FREM3: variants seen among roughly 807,000 people sequenced by gnomAD.
FREM3 encodes FRAS1 related extracellular matrix 3, also known as FRAS1-related extracellular matrix protein 3.
A neutral mutation model predicts 129.1 loss-of-function variants in FREM3; 105 were observed. That is an observed-to-expected ratio of 0.81 (90% confidence interval 0.69 to 0.96). The LOEUF (loss-of-function observed/expected upper bound fraction) is 0.96. Among genes scored for constraint, FREM3 ranks in the 40% least tolerant of loss-of-function variants. The probability of loss-of-function intolerance (pLI) is 0.00; values close to 1 mark genes in which losing one functional copy is unlikely to be tolerated. For synonymous variants in FREM3, 1,014 were observed against 1,044.9 expected, an observed-to-expected ratio of 0.97 and a Z score of 0.57; for missense variants, 2,593 against 2,666.3, an observed-to-expected ratio of 0.97 and a Z score of 0.61.
chr4:143,683,228 A>G (rs1578868044), intron 2 of FREM3, among the ~76,000 whole-genome samples: 1 of 152,206 alleles, frequency 6.6e-6, no homozygotes, highest in South Asian at 2.1e-4. Flanking sequence ...AGGGGCTTGC[A>G]TTGTGAATTT....
intron 2 of FREM3, among the ~76,000 whole-genome samples, chr4:143,646,320 C>T (rs1026838902): frequency 6.6e-6 from 1 of 152,162 alleles, no homozygotes; most frequent in Non-Finnish European, 1.5e-5. Flanking sequence ...GCAAACATTA[C>T]TTAAGGTATT....
At chr4:143,586,104 T>C (rs1309203170) in intron 6 of FREM3, 111 bp from the exon 7 acceptor site, 1 of 1,053,692 alleles carries the variant, frequency 9.5e-7, no homozygotes, top group Non-Finnish European at 1.3e-6. Context: ...ACATGACAGA[T>C]CCCATAGGTC....
intron 2 of FREM3, among the ~76,000 whole-genome samples, chr4:143,662,717 T>C (rs1456051000): frequency 2.6e-5 from 4 of 152,056 alleles, no homozygotes; most frequent in African/African-American, 9.7e-5. Flanking sequence ...TGTGGGAGTC[T>C]AAGTCTCTTT....
Position 143,624,235 on chromosome 4 carries a change from C to T in FREM3, c.5526G>A (p.Arg1842=), listed in dbSNP as rs1340734625. The T allele has an allele frequency of 6.5e-7, 1 of 1,535,872 alleles. No homozygotes were observed. Among genetic ancestry groups the T allele is most frequent in the East Asian group, 2.4e-5 (1 of 40,880 alleles). ...ATTCATTGTCAGGTATAATTCTCAC[C>T]CTCCATGTGGCTGTAGTCTGTCCAG... ...FNPGQTTATW[R]VRIIPDNEYE... The change falls in exon 4 of 8, where the codon AGG becomes AGA. Residue 1842 remains arginine, a synonymous_variant. Coordinates refer to ENST00000329798, the MANE Select transcript of FREM3 (RefSeq NM_001168235.2).
chr4:143,696,167 A>G lies in FREM3; in HGVS notation c.4509T>C (p.Asn1503=), dbSNP rs1192938057. 3 of 1,537,600 alleles carry G rather than the reference A, an allele frequency of 2.0e-6. No individual in the cohort carries two copies. The highest frequency in any genetic ancestry group is 1.4e-5 in the African/African-American group (1 of 73,046). The change falls in exon 1 of 8, where the codon AAT becomes AAC. Residue 1503 remains asparagine, a synonymous_variant. Transcript: ENST00000329798. ...SNKISYVHTS[N]DEKKMDSFEF... ...CGAAGCTGTCCATCTTTTTCTCATC[A>G]TTTGAAGTATGGACATAGGATATTT...
In FREM3 at chr4:143,697,506, T is replaced by C. The variant is rs1740598016; in HGVS notation, c.3170A>G (p.Gln1057Arg). 6.5e-7 allele frequency: 1 copy of C among 1,537,336 alleles called. No individual in the cohort carries two copies. Among genetic ancestry groups the C allele is most frequent in the Non-Finnish European group, 8.7e-7 (1 of 1,146,930 alleles). Reference protein sequence around the residue: ...VVGNSIIEKVQVQVTVLPVDN... With the variant: ...VVGNSIIEKVRVQVTVLPVDN... ...CACAGGCAGCACAGTTACTTGTACC[T>C]GTACTTTCTCTATTATGCTATTCCC... Residue 1057 changes from glutamine to arginine, a missense_variant, in exon 1 of 8, where the codon CAG becomes CGG. This residue lies in a region of FREM3 where 2,276 missense variants were observed against 2,267.2 expected (regional missense o/e 1.00). Coordinates refer to ENST00000329798, the MANE Select transcript of FREM3 (RefSeq NM_001168235.2).
chr4:143,584,070 C>T (rs1308210446), intron 7 of FREM3, among the ~76,000 whole-genome samples: 1 of 152,226 alleles, frequency 6.6e-6, no homozygotes, highest in Non-Finnish European at 1.5e-5. Flanking sequence ...AGACCCATCT[C>T]ACATGCAATG....
chr4:143,599,286 T>C (rs1414927435), intron 6 of FREM3, among the ~76,000 whole-genome samples: 1 of 152,172 alleles, frequency 6.6e-6, no homozygotes, highest in Non-Finnish European at 1.5e-5. Context: ...TAACTAGCTG[T>C]CAGAGAGGCT....
rs757033083 is a variant in FREM3, at chr4:143,698,557, G to T, written c.2119C>A (p.Pro707Thr). The T allele has an allele frequency of 2.6e-6, 4 of 1,537,694 alleles. No individual in the cohort carries two copies. In the South Asian group the frequency reaches 4.8e-5, roughly 18 times the overall value. ...PVDILSPQLY[P>T]GTTLEMTVQE... ...ACAGTCATTTCTAGTGTAGTTCCTG[G>T]ATACAGCTGTGGACTCAGTATATCC... Residue 707 changes from proline (P) to threonine (T), a missense_variant, in exon 1 of 8, where the codon CCA (proline) becomes ACA (threonine). Pro to Thr is a conservative substitution (Grantham distance 38). Transcript: ENST00000329798.
chr4:143,626,256 T>A (rs951478235), intron 3 of FREM3, among the ~76,000 whole-genome samples: 4 of 152,156 alleles, frequency 2.6e-5, no homozygotes, highest in African/African-American at 9.7e-5. Flanking sequence ...GTTCTTGAGG[T>A]TGGACATAAC....
At position 143,696,365 on chromosome 4, in the gene FREM3, T is replaced by C. The variant is rs1216098225; in HGVS notation, c.4311A>G (p.Ile1437Met). The C allele has an allele frequency of 3.3e-6, 5 of 1,537,246 alleles. No individual in the cohort carries two copies. The highest frequency in any genetic ancestry group is 4.4e-6 in the Non-Finnish European group (5 of 1,146,922). Reference protein sequence around the residue: ...PEVISKRITLIEGARVTLTNN... With the variant: ...PEVISKRITLMEGARVTLTNN... ...TGGTAAGGGTCACTCTGGCACCTTCTATCAAGGTGATCCTTTTGCTGATTA... is the reference window on the plus strand; with the variant it reads ...TGGTAAGGGTCACTCTGGCACCTTCCATCAAGGTGATCCTTTTGCTGATTA... The change falls in exon 1 of 8, where the codon ATA (isoleucine) becomes ATG (methionine). Residue 1437 changes from isoleucine to methionine, a missense_variant. Physicochemically the swap from Ile to Met is conservative, Grantham distance 10. Coordinates refer to ENST00000329798, the MANE Select transcript of FREM3 (RefSeq NM_001168235.2).
intron 2 of FREM3, among the ~76,000 whole-genome samples, chr4:143,647,713 C>A (rs931119604): frequency 5.9e-5 from 9 of 152,158 alleles, no homozygotes; most frequent in African/African-American, 1.9e-4. Flanking sequence ...GTTTGGGAAC[C>A]TCTGCCTAGA....
At chr4:143,591,189 G>C (rs1215863961) in intron 6 of FREM3, among the ~76,000 whole-genome samples, 1 of 152,102 alleles carries the variant, frequency 6.6e-6, no homozygotes, top group Non-Finnish European at 1.5e-5. Context: ...CAAAAAACCA[G>C]CTCCTGGATT....
chr4:143,649,347 C>T (rs961398269), intron 2 of FREM3: 2 of 152,216 alleles, frequency 1.3e-5, no homozygotes, highest in African/African-American at 2.4e-5. Flanking sequence ...GTGCATCAGA[C>T]AATATTTGGA....
rs1739526906 is a variant in FREM3 at position 143,652,248 on chromosome 4, C to T, written c.5276-24488G>A. 3.1e-5 allele frequency among the ~76,000 whole-genome samples: 3 copies of T among 95,960 alleles called. 1 individual carries two copies. The highest frequency in any genetic ancestry group is 1.1e-4 in the Admixed American group (1 of 9,060). The allele number at this position is 95,960 out of a possible 152,430, so 63.0% of individuals were successfully genotyped here. A position where few individuals can be genotyped will look rare whatever the true frequency, so the allele number is the denominator to read the frequency against. On this transcript the variant is annotated intron_variant, in intron 2 of 7. Coordinates refer to ENST00000329798, the MANE Select transcript of FREM3 (RefSeq NM_001168235.2). ...CGCAATCTCGGCTCACTGCAAGCTC[C>T]GCTTCCCGGGTTCACGCCATTCTCC... is the stretch of plus-strand genomic sequence containing the variant.
intron 2 of FREM3, among the ~76,000 whole-genome samples, chr4:143,647,453 G>A (rs1044970295): frequency 1.3e-5 from 2 of 152,188 alleles, no homozygotes; most frequent in Non-Finnish European, 2.9e-5. Context: ...AGAGAACTTT[G>A]TGGCAGCCCC....
In FREM3 at chr4:143,699,288, T is replaced by G; in HGVS notation, c.1388A>C (p.Asp463Ala). ...STHSIPISDK[D>A]NLEEVKMAAV... ...AGCCATTTTCACCTCTTCCAGGTTA[T>G]CTTTATCACTGATAGGAATGCTGTG... The change falls in exon 1 of 8, where the codon GAT (aspartate) becomes GCT (alanine). Residue 463 changes from aspartate (D) to alanine (A), a missense_variant. By Grantham distance (126) the Asp-to-Ala change is moderately radical. Around this residue, in one of 2 missense-constraint regions of FREM3, gnomAD observed 2,276 missense variants for 2,267.2 expected, o/e 1.00. Transcript: ENST00000329798. This position sits in a 1 kb window ranked among gnomAD's most constrained non-coding sequence, Gnocchi z 4.2. 6.5e-7 allele frequency: 1 copy of G among 1,537,350 alleles called. No individual in the cohort carries two copies. Among genetic ancestry groups the G allele is most frequent in the Non-Finnish European group, 8.7e-7 (1 of 1,146,938 alleles).
intron 2 of FREM3, among the ~76,000 whole-genome samples, chr4:143,635,517 T>G (rs2149844920): frequency 6.6e-6 from 1 of 152,276 alleles, no homozygotes; most frequent in African/African-American, 2.4e-5. Context: ...ACCAACAGCA[T>G]TCCCTCCCTG....
chr4:143,679,189 G>A (rs1437848218), intron 2 of FREM3, among the ~76,000 whole-genome samples: 3 of 152,058 alleles, frequency 2.0e-5, no homozygotes, highest in Non-Finnish European at 4.4e-5. Context: ...CTAAATTCAG[G>A]TATTTATTTG....
Sources: allele counts gnomAD v4.1 joint callset (sites outside exome capture counted in the v4.1 genomes callset), GRCh38; gene constraint gnomAD v4.1.1; regional missense constraint gnomAD v4.1.1; non-coding constraint Gnocchi (gnomAD v3.1); transcripts MANE v1.5; gene names NCBI Gene and HGNC (gene_info 2026-07-23, HGNC 2026-07-21).